ROBO1: variants seen among roughly 807,000 people sequenced by gnomAD.
The protein encoded by ROBO1 is roundabout homolog 1.
In ROBO1, 149 loss-of-function variants were observed where a neutral mutation model predicts 195.9. The observed-to-expected ratio is 0.76, with a 90% CI of 0.67 to 0.87. The LOEUF (loss-of-function observed/expected upper bound fraction) is 0.87, where lower values mean the gene tolerates loss of function less well. Ranked by LOEUF, ROBO1 falls within the 40% of genes least tolerant of loss-of-function variation. The probability of loss-of-function intolerance (pLI) is 0.00; values close to 1 mark genes in which losing one functional copy is unlikely to be tolerated. For synonymous variants in ROBO1, 816 were observed against 733.2 expected (o/e 1.11, Z -1.82); for missense variants, 1,933 against 2,068.3 (o/e 0.93, Z 1.27).
At chr3:78,606,434 C>T (rs1703460941) in intron 29 of ROBO1, among the ~76,000 whole-genome samples, 1 of 152,182 alleles carries the variant, frequency 6.6e-6, no homozygotes, top group African/African-American at 2.4e-5. Flanking sequence ...CATTTTCACA[C>T]ATTCATGTTC....
chr3:79,089,680 A>G (rs147875276), intron 3 of ROBO1, among the ~76,000 whole-genome samples: 5 of 152,300 alleles, frequency 3.3e-5, no homozygotes, highest in Admixed American at 2.0e-4. Flanking sequence ...GGAAGATTAC[A>G]TACTATAATT....
At chr3:79,589,271 C>T (rs1943922560) in intron 2 of ROBO1, among the ~76,000 whole-genome samples, 1 of 151,676 alleles carries the variant, frequency 6.6e-6, no homozygotes, top group Non-Finnish European at 1.5e-5. Context: ...AAATGCTATT[C>T]TATACCATTA....
intron 24 of ROBO1, among the ~76,000 whole-genome samples, chr3:78,632,927 T>C (rs1705268535): frequency 6.6e-6 from 1 of 152,200 alleles, no homozygotes; most frequent in African/African-American, 2.4e-5. Context: ...TAATAAGATG[T>C]TAATTGTTAA....
chr3:78,773,844 A>G (rs1251058319), intron 4 of ROBO1, among the ~76,000 whole-genome samples: 1 of 152,196 alleles, frequency 6.6e-6, no homozygotes, highest in African/African-American at 2.4e-5. Flanking sequence ...TATTAGTTTT[A>G]AGACTGAATT....
intron 8 of ROBO1, among the ~76,000 whole-genome samples, chr3:78,699,288 A>T (rs1254327993): frequency 1.3e-5 from 2 of 150,992 alleles, no homozygotes; most frequent in Admixed American, 6.7e-5. Flanking sequence ...TGTGCTTAAC[A>T]CTGTAATCCT....
chr3:79,684,592 T>G (rs925213303), intron 1 of ROBO1, among the ~76,000 whole-genome samples: 3 of 152,148 alleles, frequency 2.0e-5, no homozygotes, highest in Admixed American at 6.5e-5. Flanking sequence ...TTCTTTTGTT[T>G]GGGTCATACA....
chr3:79,100,051 G>A (rs546823494), intron 3 of ROBO1, among the ~76,000 whole-genome samples: 1 of 151,692 alleles, frequency 6.6e-6, no homozygotes, highest in Non-Finnish European at 1.5e-5. Context: ...AAAGTCTTAA[G>A]GAGGTAACAA....
intron 2 of ROBO1, among the ~76,000 whole-genome samples, chr3:79,371,458 G>T (rs113952855): frequency 3.9e-5 from 6 of 152,082 alleles, no homozygotes; most frequent in Non-Finnish European, 5.9e-5. Flanking sequence ...TTCCATTTAC[G>T]TAGTAGATGG....
chr3:79,636,846 G>A (rs1945510188), intron 1 of ROBO1, among the ~76,000 whole-genome samples: 1 of 152,162 alleles, frequency 6.6e-6, no homozygotes, highest in Admixed American at 6.5e-5. Flanking sequence ...ACTGAAACGT[G>A]TTAGCTGTAT....
chr3:79,107,186 T>C (rs1407273951), intron 3 of ROBO1, among the ~76,000 whole-genome samples: 1 of 148,756 alleles, frequency 6.7e-6, no homozygotes, highest in Non-Finnish European at 1.5e-5. Context: ...ATAATTACAG[T>C]AGTTAGATGA....
chr3:78,626,068 C>A (rs1231436323), intron 26 of ROBO1, among the ~76,000 whole-genome samples: 1 of 151,646 alleles, frequency 6.6e-6, no homozygotes, highest in Admixed American at 6.6e-5. Context: ...GAAGAGCTAG[C>A]CAGAAAGAAA....
chr3:79,334,530 G>A (rs1559825864), intron 2 of ROBO1, among the ~76,000 whole-genome samples: 1 of 151,582 alleles, frequency 6.6e-6, no homozygotes, highest in African/African-American at 2.4e-5. Context: ...GTAGATGTTC[G>A]ATAAACTTGT....
intron 1 of ROBO1, among the ~76,000 whole-genome samples, chr3:79,631,309 T>G (rs1271668623): frequency 6.6e-6 from 1 of 151,804 alleles, no homozygotes; most frequent in Non-Finnish European, 1.5e-5. Flanking sequence ...TGGAACAGAA[T>G]AGAGAACCCA....
chr3:79,703,846 T>C (rs1947690640), intron 1 of ROBO1, among the ~76,000 whole-genome samples: 2 of 151,986 alleles, frequency 1.3e-5, no homozygotes, highest in South Asian at 4.1e-4. Context: ...TAGAGTTTCA[T>C]TGGACCACTT....
chr3:79,411,883 C>T (rs1029802491), intron 2 of ROBO1, among the ~76,000 whole-genome samples: 1 of 152,088 alleles, frequency 6.6e-6, no homozygotes, highest in Non-Finnish European at 1.5e-5. Context: ...GAAGAAAAAA[C>T]AGAAATGCAC....
intron 2 of ROBO1, among the ~76,000 whole-genome samples, chr3:79,285,311 C>A (rs1263608683): frequency 6.6e-6 from 1 of 152,168 alleles, no homozygotes. Flanking sequence ...AGCAAACCAA[C>A]CTCTGCAATG....
At chr3:78,830,470 G>C (rs987036080) in intron 4 of ROBO1, among the ~76,000 whole-genome samples, 5 of 152,156 alleles carry the variant, frequency 3.3e-5, no homozygotes, top group African/African-American at 7.2e-5. Flanking sequence ...TCAGAGTTCA[G>C]CATGGCTGGG....
intron 2 of ROBO1, among the ~76,000 whole-genome samples, chr3:79,353,611 C>G (rs1331360439): frequency 6.6e-6 from 1 of 152,076 alleles, no homozygotes; most frequent in East Asian, 1.9e-4. Context: ...TGGGGATAAA[C>G]TCAGAGGGCC....
chr3:79,564,695 T>C (rs1198882649), intron 2 of ROBO1, among the ~76,000 whole-genome samples: 1 of 152,086 alleles, frequency 6.6e-6, no homozygotes, highest in Non-Finnish European at 1.5e-5. Context: ...AAAAGCCAAG[T>C]GTGCTGTTTT....
Sources: gnomAD v4.1 joint callset for allele counts (sites outside exome capture counted in the v4.1 genomes callset) on GRCh38, gnomAD v4.1.1 for gene constraint, MANE v1.5 for transcripts, NCBI Gene and HGNC (gene_info 2026-07-23, HGNC 2026-07-21) for gene names.